The following FHL5 variants were observed in gnomAD, a reference collection of about 807,000 sequenced individuals.
FHL5 encodes four and a half LIM domains protein 5.
FHL5 carries 33 observed loss-of-function variants against 32.0 expected under a neutral mutation model. That is an observed-to-expected ratio of 1.03 (90% CI 0.78 to 1.38). The LOEUF (loss-of-function observed/expected upper bound fraction) is 1.38, where lower values mean the gene tolerates loss of function less well. FHL5 is among the 40% of genes most tolerant of loss of function. The pLI is 0.00. For missense variants in FHL5, 336 were observed against 343.9 expected (o/e 0.98, Z 0.18); for synonymous variants, 114 against 113.6 (o/e 1.00, Z -0.02).
At chr6:96,585,399 G>A (rs1770777234) in intron 1 of FHL5, among the ~76,000 whole-genome samples, 1 of 152,094 alleles carries the variant, frequency 6.6e-6, no homozygotes, top group Non-Finnish European at 1.5e-5. Flanking sequence ...ATTTATACAG[G>A]TAAAACTACT....
chr6:96,606,780 T>A (rs1176020436), intron 4 of FHL5, among the ~76,000 whole-genome samples: 1 of 152,216 alleles, frequency 6.6e-6, no homozygotes, highest in African/African-American at 2.4e-5. Context: ...AAATATGGAT[T>A]TGCCTCACAA....
chr6:96,604,929 G>A lies in FHL5; in HGVS notation c.334+5G>A, dbSNP rs767137821. On this transcript the variant is annotated splice_donor_5th_base_variant and intron_variant, in intron 3 of 5. Coordinates refer to ENST00000450218, the MANE Select transcript of FHL5 (RefSeq NM_001322466.2). ...GCAAGAGGACCATCATGCCTGGTAG[G>A]GTCTCAAGGGGGCTCCTGTCTCTAA... 47 of 1,585,352 alleles carry A rather than the reference G, an allele frequency of 3.0e-5. No individual in the cohort carries two copies. In the South Asian group the frequency reaches 5.3e-4, roughly 18 times the overall value.
intron 1 of FHL5, among the ~76,000 whole-genome samples, chr6:96,575,341 A>G (rs1296856118): frequency 6.6e-6 from 1 of 152,218 alleles, no homozygotes; most frequent in African/African-American, 2.4e-5. Context: ...AGATACATAA[A>G]TCACGTATGG....
chr6:96,603,621 C>G lies in FHL5; in HGVS notation c.8C>G (p.Thr3Ser), dbSNP rs773857596. The G allele has an allele frequency of 1.2e-6, 2 of 1,609,680 alleles. No individual in the cohort carries two copies. The highest frequency in any genetic ancestry group is 2.2e-5 in the South Asian group (2 of 89,874). MTTAHFYCQYCTA... is the reference protein window; with the variant it reads MTSAHFYCQYCTA... ...TCATAGGATCAAACCAAAATGACAA[C>G]TGCTCACTTTTACTGTCAATACTGC... Residue 3 changes from threonine (T) to serine (S), a missense_variant, in exon 2 of 6, where the codon ACT (threonine) becomes AGT (serine). Physicochemically the swap from Thr to Ser is moderately conservative, Grantham distance 58 (BLOSUM62 1). Transcript: ENST00000450218.
rs1486828208 is a variant in FHL5, at chr6:96,616,559, A to G, written c.*787A>G. 2.0e-5 allele frequency: 3 copies of G among 152,216 alleles called. No homozygotes were observed. The highest frequency in any genetic ancestry group is 4.4e-5 in the Non-Finnish European group (3 of 68,040). The allele number at this position is 152,216 out of a possible 1,614,324, so 9.4% of individuals were successfully genotyped here. A position where few individuals can be genotyped will look rare whatever the true frequency, so the allele number is the denominator to read the frequency against. ...TACAGATTCCATGAAATAAAAGTCT[A>G]TTCTTTCAAGTGGAGCTAACCAGGA... On this transcript the variant is annotated 3_prime_UTR_variant, in exon 6 of 6. Coordinates refer to ENST00000450218, the MANE Select transcript of FHL5 (RefSeq NM_001322466.2).
chr6:96,588,219 CT>C (rs908588762), intron 1 of FHL5, among the ~76,000 whole-genome samples: 2 of 151,532 alleles, frequency 1.3e-5, no homozygotes, highest in Admixed American at 6.6e-5. Context: ...TTCTTTCTTT[CT>C]TTTTTTTTGA....
At chr6:96,604,946 T>C in intron 3 of FHL5, 22 bp downstream of exon 3, 4 of 1,551,012 alleles carry the variant, frequency 2.6e-6, no homozygotes, top group Non-Finnish European at 3.5e-6. Flanking sequence ...AGGGGGCTCC[T>C]GTCTCTAACT....
intron 1 of FHL5, among the ~76,000 whole-genome samples, chr6:96,589,076 C>A (rs1266068472): frequency 6.6e-6 from 1 of 151,986 alleles, no homozygotes; most frequent in African/African-American, 2.4e-5. Context: ...ATGTAAATAA[C>A]CAATTATTTC....
intron 1 of FHL5, among the ~76,000 whole-genome samples, chr6:96,600,614 G>T (rs1296177294): frequency 3.3e-5 from 5 of 151,808 alleles, no homozygotes; most frequent in East Asian, 3.9e-4. Context: ...ATTCTATATG[G>T]TTCTAATAGA....
chr6:96,566,394 G>A lies in FHL5; in HGVS notation c.-13+3039G>A, dbSNP rs149010457. On this transcript the variant is annotated intron_variant, in intron 1 of 5. Coordinates refer to ENST00000450218, the MANE Select transcript of FHL5 (RefSeq NM_001322466.2). ...ATATAGCACTTTTTTTAATCCATTC[G>A]CCTATTGATGGAAACTTAGGTAATT... Among the ~76,000 whole-genome samples, 60 of 151,506 alleles carry A rather than the reference G, an allele frequency of 4.0e-4. 1 individual carries two copies. The highest frequency in any genetic ancestry group is 3.5e-3 in the Admixed American group (53 of 15,210).
intron 1 of FHL5, among the ~76,000 whole-genome samples, chr6:96,576,151 A>G (rs1269126448): frequency 1.3e-5 from 2 of 152,180 alleles, no homozygotes; most frequent in Non-Finnish European, 2.9e-5. Flanking sequence ...CAGCTCTAAA[A>G]GAAGCTTTAC....
chr6:96,589,222 A>C (rs1770865561), intron 1 of FHL5, among the ~76,000 whole-genome samples: 1 of 152,064 alleles, frequency 6.6e-6, no homozygotes, highest in Admixed American at 6.6e-5. Context: ...TCAATACTAC[A>C]CTGCCTTAAT....
At position 96,618,367 on chromosome 6, in the gene FHL5, G is replaced by A. The variant is rs1235763948; in HGVS notation, c.*2595G>A. 2.6e-5 allele frequency among the ~76,000 whole-genome samples: 4 copies of A among 152,292 alleles called. No individual in the cohort carries two copies. Among genetic ancestry groups the A allele is most frequent in the East Asian group, 1.9e-4 (1 of 5,188 alleles). On this transcript the variant is annotated 3_prime_UTR_variant, in exon 6 of 6. Coordinates refer to ENST00000450218, the MANE Select transcript of FHL5 (RefSeq NM_001322466.2). The stretch of plus-strand genomic sequence containing the variant: ...TGGCTTGGAAGTAGCAGAGACTGCC[G>A]AAGAGCAGGAGAAAATAAGATTGCT...
At chr6:96,600,699 T>G (rs1264611556) in intron 1 of FHL5, among the ~76,000 whole-genome samples, 1 of 152,182 alleles carries the variant, frequency 6.6e-6, no homozygotes, top group Non-Finnish European at 1.5e-5. Context: ...AGATCAATAG[T>G]TAAATGATAG....
chr6:96,569,756 A>G (rs1770435346), intron 1 of FHL5, among the ~76,000 whole-genome samples: 1 of 148,680 alleles, frequency 6.7e-6, no homozygotes, highest in South Asian at 2.1e-4. Context: ...TTTTTTTTCC[A>G]TCCCTTATTT....
At position 96,617,569 on chromosome 6, in the gene FHL5, T is replaced by C. The variant is rs1424099822; in HGVS notation, c.*1797T>C. Among the ~76,000 whole-genome samples the C allele has an allele frequency of 6.6e-6, 1 of 152,204 alleles. No individual in the cohort carries two copies. Among genetic ancestry groups the C allele is most frequent in the African/African-American group, 2.4e-5 (1 of 41,456 alleles). On this transcript the variant is annotated 3_prime_UTR_variant, in exon 6 of 6. Transcript: ENST00000450218. Reference sequence around the variant, plus strand: ...AAAATACAGGCAAAACTATCAATATTTTTTCTGCATTATATGAAATTTCAC... The same window carrying C: ...AAAATACAGGCAAAACTATCAATATCTTTTCTGCATTATATGAAATTTCAC...
At chr6:96,580,521 A>G (rs904565006) in intron 1 of FHL5, among the ~76,000 whole-genome samples, 11 of 152,162 alleles carry the variant, frequency 7.2e-5, no homozygotes, top group Non-Finnish European at 1.6e-4. Context: ...CTCAGAATTG[A>G]AAAAGGTTTA....
chr6:96,575,596 C>A (rs1296677183), intron 1 of FHL5, among the ~76,000 whole-genome samples: 1 of 152,200 alleles, frequency 6.6e-6, no homozygotes, highest in Non-Finnish European at 1.5e-5. Context: ...TGTGGCTCCA[C>A]ATGAAGTGCC....
At chr6:96,590,899 T>C (rs1770902156) in intron 1 of FHL5, among the ~76,000 whole-genome samples, 1 of 152,142 alleles carries the variant, frequency 6.6e-6, no homozygotes, top group Non-Finnish European at 1.5e-5. Flanking sequence ...TCTCTTGAAT[T>C]TTAAACTGAA....
Sources: allele counts gnomAD v4.1 joint callset (sites outside exome capture counted in the v4.1 genomes callset), GRCh38; gene constraint gnomAD v4.1.1; transcripts MANE v1.5; gene names NCBI Gene and HGNC (gene_info 2026-07-23, HGNC 2026-07-21).